NECTIN3: variants seen among roughly 807,000 people sequenced by gnomAD.
NECTIN3 encodes nectin cell adhesion molecule 3.
NECTIN3 carries 8 observed loss-of-function variants against 49.4 expected under a neutral mutation model. The ratio of observed to expected loss-of-function variants is 0.16; its 90% CI spans 0.10 to 0.29. NECTIN3 has a LOEUF of 0.29. NECTIN3 is among the 10% of genes least tolerant of loss of function. The pLI, the probability that NECTIN3 is intolerant of heterozygous loss-of-function variation, is 1.00. For synonymous variants in NECTIN3, 277 were observed against 241.1 expected (o/e 1.15, Z -1.38); for missense variants, 581 against 654.6 (o/e 0.89, Z 1.23).
chr3:111,184,130 A>G (rs2035677975), intron 7 of NECTIN3, among the ~76,000 whole-genome samples: 1 of 152,150 alleles, frequency 6.6e-6, no homozygotes, highest in Non-Finnish European at 1.5e-5. Flanking sequence ...TACTAAGGCC[A>G]TCCAGTGACT....
intron 7 of NECTIN3, chr3:111,147,544 A>G (rs2034904385): frequency 3.8e-6 from 5 of 1,310,536 alleles, no homozygotes; most frequent in Admixed American, 2.2e-5. Flanking sequence ...ATACTAAGCC[A>G]TTTGTATTAT....
chr3:111,155,380 A>T (rs945220145), intron 7 of NECTIN3, among the ~76,000 whole-genome samples: 10 of 152,194 alleles, frequency 6.6e-5, no homozygotes, highest in Non-Finnish European at 4.4e-5. Flanking sequence ...GACTTGATTG[A>T]TTCATGAGTA....
chr3:111,145,968 A>G (rs2034864016), intron 6 of NECTIN3, among the ~76,000 whole-genome samples: 2 of 152,216 alleles, frequency 1.3e-5, no homozygotes. Context: ...ACCATGAACA[A>G]GTACTTTATC....
At chr3:111,083,551 C>T (rs565746853) in intron 1 of NECTIN3, among the ~76,000 whole-genome samples, 45 of 152,322 alleles carry the variant, frequency 3.0e-4, no homozygotes, top group African/African-American at 1.0e-3. Context: ...CCTGATAATG[C>T]TGGCACCCTT....
chr3:111,105,823 C>T (rs946719074), intron 1 of NECTIN3, among the ~76,000 whole-genome samples: 5 of 152,156 alleles, frequency 3.3e-5, no homozygotes, highest in African/African-American at 1.2e-4. Flanking sequence ...ACTTTGTTGC[C>T]TGTTGACTGT....
intron 7 of NECTIN3, among the ~76,000 whole-genome samples, chr3:111,185,725 T>C (rs747009558): frequency 1.3e-5 from 2 of 152,172 alleles, no homozygotes; most frequent in African/African-American, 2.4e-5. Flanking sequence ...TTTTCTATGA[T>C]CCAGTAATTC....
intron 7 of NECTIN3, among the ~76,000 whole-genome samples, chr3:111,148,848 T>C (rs1281163816): frequency 6.6e-6 from 1 of 152,124 alleles, no homozygotes; most frequent in African/African-American, 2.4e-5. Context: ...TATAGAAAAT[T>C]GTACGTTTTT....
intron 7 of NECTIN3, among the ~76,000 whole-genome samples, chr3:111,168,214 T>C (rs978959771): frequency 1.3e-5 from 2 of 152,028 alleles, no homozygotes; most frequent in East Asian, 3.9e-4. Context: ...GAGGAGAAGA[T>C]AGAGTCATTA....
chr3:111,154,992 A>G (rs1247022665), intron 7 of NECTIN3, among the ~76,000 whole-genome samples: 2 of 152,054 alleles, frequency 1.3e-5, no homozygotes, highest in African/African-American at 4.8e-5. Flanking sequence ...ACTGGAGTGC[A>G]GTGGGTGCAA....
intron 7 of NECTIN3, among the ~76,000 whole-genome samples, chr3:111,187,280 G>A (rs1291474646): frequency 1.3e-5 from 2 of 152,166 alleles, no homozygotes; most frequent in South Asian, 2.1e-4. Flanking sequence ...GTGTGTGCCT[G>A]TAGTCCCAGC....
chr3:111,135,358 T>G lies in NECTIN3; in HGVS notation c.*1143T>G, dbSNP rs76309996. 1.6e-3 allele frequency: 1,503 copies of G among 940,164 alleles called. 9 individuals are homozygous for G. In the African/African-American group the frequency reaches 0.022, roughly 14 times the overall value. 58.2% of individuals were successfully genotyped at this position (940,164 alleles called of 1,614,324 possible). A position where few individuals can be genotyped will look rare whatever the true frequency, so the allele number is the denominator to read the frequency against. On this transcript the variant is annotated 3_prime_UTR_variant, in exon 6 of 6. Coordinates refer to ENST00000485303, the MANE Select transcript of NECTIN3 (RefSeq NM_015480.3). The stretch of plus-strand genomic sequence containing the variant: ...ATGTATGTGTTTTAAGATTTCTGTT[T>G]TTACGATTAAAACTGGAAACATGAG...
At chr3:111,143,083 G>A (rs2034789538) in intron 5 of NECTIN3, among the ~76,000 whole-genome samples, 1 of 151,774 alleles carries the variant, frequency 6.6e-6, no homozygotes, top group Non-Finnish European at 1.5e-5. Flanking sequence ...TTATGGCTGT[G>A]TTCAGTGGTC....
At chr3:111,127,398 G>C (rs2034205471) in intron 5 of NECTIN3, among the ~76,000 whole-genome samples, 1 of 150,292 alleles carries the variant, frequency 6.7e-6, no homozygotes, top group Non-Finnish European at 1.5e-5. Flanking sequence ...ATTTGTGCTT[G>C]CTTTATTCAC....
intron 7 of NECTIN3, among the ~76,000 whole-genome samples, chr3:111,156,516 A>AT (rs916456519): frequency 2.0e-5 from 3 of 151,100 alleles, no homozygotes; most frequent in Admixed American, 6.6e-5. Context: ...AAATTAAGAA[A>AT]TTTTTTAAAA....
chr3:111,133,643 A>T lies in NECTIN3; in HGVS notation c.1078A>T (p.Thr360Ser), dbSNP rs371971217. The change falls in exon 6 of 6, where the codon ACT (threonine) becomes TCT (serine). Residue 360 changes from threonine to serine, a missense_variant. Transcript: ENST00000485303. Reference protein sequence around the residue: ...QKVIYISDPPTTTTLQPTIQW... With the variant: ...QKVIYISDPPSTTTLQPTIQW... ...TTTACTGTTTCCATTAGATCCTCCTACTACTACCACCCTTCAGCCTACAAT... is the reference window on the plus strand; with the variant it reads ...TTTACTGTTTCCATTAGATCCTCCTTCTACTACCACCCTTCAGCCTACAAT... The T allele has an allele frequency of 1.2e-6, 2 of 1,612,556 alleles. No individual in the cohort carries two copies. The highest frequency in any genetic ancestry group is 2.7e-5 in the African/African-American group (2 of 74,872).
chr3:111,095,656 T>C (rs1158872959), intron 1 of NECTIN3, among the ~76,000 whole-genome samples: 1 of 152,178 alleles, frequency 6.6e-6, no homozygotes, highest in Non-Finnish European at 1.5e-5. Flanking sequence ...AGGGACCCTA[T>C]GGGAGGTAAT....
chr3:111,143,377 G>A (rs1268851290), intron 5 of NECTIN3, among the ~76,000 whole-genome samples: 2 of 151,682 alleles, frequency 1.3e-5, no homozygotes, highest in Non-Finnish European at 3.0e-5. Context: ...TGGACTTACT[G>A]GTTGTAAGAT....
chr3:111,127,099 CCTGT>C (rs1367799006), intron 5 of NECTIN3, among the ~76,000 whole-genome samples: 16 of 152,186 alleles, frequency 1.1e-4, no homozygotes, highest in Middle Eastern at 3.4e-3. Context: ...TAGCAATCTT[CCTGT>C]CTAACAAATG....
chr3:111,097,868 C>T (rs562476185), intron 1 of NECTIN3, among the ~76,000 whole-genome samples: 52 of 152,224 alleles, frequency 3.4e-4, no homozygotes, highest in Non-Finnish European at 6.0e-4. Context: ...TGAAAATGGA[C>T]GAATACACAT....
Sources: allele counts gnomAD v4.1 joint callset (sites outside exome capture counted in the v4.1 genomes callset), GRCh38; gene constraint gnomAD v4.1.1; transcripts MANE v1.5; gene names NCBI Gene and HGNC (gene_info 2026-07-23, HGNC 2026-07-21).